Variants in TSC22D1 observed in about 807,000 individuals in gnomAD.
TSC22D1 encodes TSC22 domain family member 1.
TSC22D1 carries 9 observed loss-of-function variants against 74.2 expected under a neutral mutation model. The ratio of observed to expected loss-of-function variants is 0.12; its 90% CI spans 0.07 to 0.21. The LOEUF is 0.21. Among genes scored for constraint, TSC22D1 ranks in the 10% least tolerant of loss-of-function variants. The pLI is 1.00. For synonymous variants in TSC22D1, 586 were observed against 492.5 expected, an observed-to-expected ratio of 1.19 and a Z score of -2.51; for missense variants, 1,427 against 1,304.7, an observed-to-expected ratio of 1.09 and a Z score of -1.44.
Position 44,573,971 on chromosome 13 carries a change from G to C in TSC22D1, c.2104C>G (p.Pro702Ala), listed in dbSNP as rs1366939199. 1 of 1,614,048 alleles carries C rather than the reference G, an allele frequency of 6.2e-7. No individual in the cohort carries two copies. The stretch of plus-strand genomic sequence containing the variant: ...ACAGATGCCCCTGCAGGTTGTGCTG[G>C]GACTGCTGTGGGCTGCACTGGCAGC... The part of the protein sequence containing the change: ...IQLPVQPTAV[P>A]AQPAGASVQP... Residue 702 changes from proline (P) to alanine (A), a missense_variant, in exon 1 of 3, where the codon CCA becomes GCA. Transcript: ENST00000458659.
chr13:44,558,112 C>T (rs774950348), intron 1 of TSC22D1, among the ~76,000 whole-genome samples: 6 of 152,132 alleles, frequency 3.9e-5, no homozygotes, highest in Non-Finnish European at 7.3e-5. Context: ...TGCCTCTATA[C>T]TCAATAGGCT....
At chr13:44,513,585 T>C (rs1045491767) in intron 1 of TSC22D1, among the ~76,000 whole-genome samples, 4 of 152,104 alleles carry the variant, frequency 2.6e-5, no homozygotes, top group Admixed American at 6.6e-5. Context: ...TATTTAGCAA[T>C]AGAAAACACT....
At chr13:44,448,591 T>C (rs182668589) in intron 1 of TSC22D1, among the ~76,000 whole-genome samples, 2 of 152,320 alleles carry the variant, frequency 1.3e-5, no homozygotes, top group African/African-American at 4.8e-5. Flanking sequence ...TGTGTTTACA[T>C]AATAAATACC....
At chr13:44,440,810 C>CCA (rs1875136725) in intron 1 of TSC22D1, among the ~76,000 whole-genome samples, 1 of 152,018 alleles carries the variant, frequency 6.6e-6, no homozygotes, top group African/African-American at 2.4e-5. Context: ...CCAAAGCACA[C>CCA]CACCCTGAAA....
At chr13:44,436,788 G>C (rs1874689351) in intron 1 of TSC22D1, 2 of 1,440,950 alleles carry the variant, frequency 1.4e-6, no homozygotes, top group African/African-American at 2.9e-5. Flanking sequence ...ATGATCCCAG[G>C]CAGATGCGGA....
intron 1 of TSC22D1, among the ~76,000 whole-genome samples, chr13:44,520,311 G>A (rs9805321): frequency 0.13 from 20,072 of 152,138 alleles, 1,473 homozygotes; most frequent in African/African-American, 0.18. Context: ...AAAGTGTGAA[G>A]AGAGAATGTA....
chr13:44,532,586 G>A (rs1880909061), intron 1 of TSC22D1, among the ~76,000 whole-genome samples: 1 of 152,112 alleles, frequency 6.6e-6, no homozygotes, highest in African/African-American at 2.4e-5. Context: ...CCATTCTCCT[G>A]CCTCAGCCTC....
intron 1 of TSC22D1, among the ~76,000 whole-genome samples, chr13:44,526,587 T>C (rs946710801): frequency 2.6e-4 from 39 of 151,548 alleles, no homozygotes; most frequent in Non-Finnish European, 1.2e-4. Context: ...GGAAACAGAA[T>C]ACAGATGCTC....
chr13:44,490,347 G>C (rs1595113772), intron 1 of TSC22D1, among the ~76,000 whole-genome samples: 2 of 150,246 alleles, frequency 1.3e-5, no homozygotes, highest in African/African-American at 2.4e-5. Flanking sequence ...GGTCATTTGA[G>C]AGAATGCTAA....
At chr13:44,457,873 TGAA>T (rs1331921260) in intron 1 of TSC22D1, among the ~76,000 whole-genome samples, 1 of 152,200 alleles carries the variant, frequency 6.6e-6, no homozygotes, top group Non-Finnish European at 1.5e-5. Flanking sequence ...AGAAGCTAAC[TGAA>T]GAAGGTGGCT....
intron 1 of TSC22D1, among the ~76,000 whole-genome samples, chr13:44,475,539 T>A (rs1877862970): frequency 6.8e-6 from 1 of 148,080 alleles, no homozygotes; most frequent in South Asian, 2.1e-4. Flanking sequence ...CAAGCATATA[T>A]TAGAAGATCA....
intron 1 of TSC22D1, among the ~76,000 whole-genome samples, chr13:44,440,587 CAAAAAAAAAAAA>C (rs67344848): frequency 5.9e-5 from 4 of 68,270 alleles, no homozygotes; most frequent in Non-Finnish European, 8.0e-5. Flanking sequence ...GGCTCTGTCT[CAAAAAAAAAAAA>C]AAAAAAAAAA....
chr13:44,575,670 A>T lies in TSC22D1; in HGVS notation c.405T>A (p.Thr135=). The change falls in exon 1 of 3, where the codon ACT becomes ACA. Residue 135 remains threonine, a synonymous_variant. Coordinates refer to ENST00000458659, the MANE Select transcript of TSC22D1 (RefSeq NM_183422.4). ...ATTCATCCAGATCATCATAGCTCTC[A>T]GTGTCCTCTGCTATACTGTTGTTAG... is the stretch of plus-strand genomic sequence containing the variant. ...ISSNNSIAED[T]ESYDDLDESH... The T allele has an allele frequency of 1.2e-6, 2 of 1,614,176 alleles. No homozygotes were observed. Among genetic ancestry groups the T allele is most frequent in the Non-Finnish European group, 1.7e-6 (2 of 1,179,998 alleles).
chr13:44,493,624 T>C (rs972808140), intron 1 of TSC22D1, among the ~76,000 whole-genome samples: 3 of 152,136 alleles, frequency 2.0e-5, no homozygotes, highest in African/African-American at 7.2e-5. Context: ...GTAGGATGCA[T>C]ATTCAGAAAA....
chr13:44,548,408 C>A (rs1344584170), intron 1 of TSC22D1, among the ~76,000 whole-genome samples: 1 of 152,146 alleles, frequency 6.6e-6, no homozygotes, highest in Admixed American at 6.5e-5. Flanking sequence ...GAGACTCCAT[C>A]TCAAATAAAT....
At chr13:44,511,623 C>T (rs1052479992) in intron 1 of TSC22D1, among the ~76,000 whole-genome samples, 1 of 147,548 alleles carries the variant, frequency 6.8e-6, no homozygotes, top group African/African-American at 2.5e-5. Flanking sequence ...AAGAAATACA[C>T]ACACACACAC....
At chr13:44,494,592 C>T (rs1878881333) in intron 1 of TSC22D1, among the ~76,000 whole-genome samples, 1 of 151,610 alleles carries the variant, frequency 6.6e-6, no homozygotes, top group Non-Finnish European at 1.5e-5. Flanking sequence ...AGTCACCAAA[C>T]AATTACAACC....
chr13:44,469,193 T>C (rs1039933450), intron 1 of TSC22D1, among the ~76,000 whole-genome samples: 1 of 152,180 alleles, frequency 6.6e-6, no homozygotes, highest in Non-Finnish European at 1.5e-5. Flanking sequence ...GCCCCCAATC[T>C]TTATAACCAG....
intron 1 of TSC22D1, among the ~76,000 whole-genome samples, chr13:44,535,819 G>C (rs1881103184): frequency 6.6e-6 from 1 of 151,840 alleles, no homozygotes; most frequent in Non-Finnish European, 1.5e-5. Flanking sequence ...ATGATGTAGA[G>C]GAGAGTCTAT....
Sources: allele counts gnomAD v4.1 joint callset (sites outside exome capture counted in the v4.1 genomes callset), GRCh38; gene constraint gnomAD v4.1.1; transcripts MANE v1.5; gene names NCBI Gene and HGNC (gene_info 2026-07-23, HGNC 2026-07-21).